The following ARID1B variants were observed in gnomAD, a reference collection of about 807,000 sequenced individuals.
The protein encoded by ARID1B is AT-rich interactive domain-containing protein 1B.
A neutral mutation model predicts 212.3 loss-of-function variants in ARID1B; 30 were observed. The ratio of observed to expected loss-of-function variants is 0.14; its 90% confidence interval spans 0.11 to 0.19. ARID1B has a LOEUF of 0.19. Ranked by LOEUF, ARID1B falls within the 10% of genes least tolerant of loss-of-function variation. The pLI is 1.00. For missense variants in ARID1B, 2,891 were observed against 3,204.0 expected, an observed-to-expected ratio of 0.90 and a Z score of 2.36; for synonymous variants, 1,402 against 1,301.7, an observed-to-expected ratio of 1.08 and a Z score of -1.66.
chr6:157,061,412 T>G (rs1783334854), intron 4 of ARID1B, among the ~76,000 whole-genome samples: 2 of 152,216 alleles, frequency 1.3e-5, no homozygotes, highest in Admixed American at 1.3e-4. Flanking sequence ...CTGCAAGGTA[T>G]GGCAGGTGAT....
At chr6:156,853,537 G>T (rs75763771) in intron 2 of ARID1B, among the ~76,000 whole-genome samples, 3,290 of 152,094 alleles carry the variant, frequency 0.022, 50 homozygotes, top group Non-Finnish European at 0.033. Flanking sequence ...TGTGGTGGAA[G>T]AGGGGGCAAG....
chr6:157,183,822 C>T (rs1211779803), intron 12 of ARID1B, among the ~76,000 whole-genome samples: 1 of 152,208 alleles, frequency 6.6e-6, no homozygotes, highest in African/African-American at 2.4e-5. Flanking sequence ...GGGATGGGTA[C>T]GGCCCAGAAT....
At chr6:156,963,971 G>A (rs1744575795) in intron 4 of ARID1B, among the ~76,000 whole-genome samples, 1 of 152,174 alleles carries the variant, frequency 6.6e-6, no homozygotes, top group African/African-American at 2.4e-5. Flanking sequence ...TTGTGGAAAG[G>A]AGCTGATTAA....
chr6:157,107,687 T>C (rs1786595448), intron 5 of ARID1B: 1 of 152,156 alleles, frequency 6.6e-6, no homozygotes, highest in Admixed American at 6.5e-5. Context: ...ATAATAGACA[T>C]TGCTGAGGAA....
chr6:156,818,711 G>A (rs1241963704), intron 1 of ARID1B, among the ~76,000 whole-genome samples: 1 of 152,186 alleles, frequency 6.6e-6, no homozygotes, highest in Non-Finnish European at 1.5e-5. Flanking sequence ...TTTTACTGGA[G>A]ATGGCAAATT....
intron 2 of ARID1B, among the ~76,000 whole-genome samples, chr6:156,833,243 C>A (rs1783267694): frequency 6.6e-6 from 1 of 151,930 alleles, no homozygotes; most frequent in Admixed American, 6.6e-5. Flanking sequence ...ACCTTAAAGA[C>A]ACCAAGATAT....
At chr6:156,874,847 G>A (rs914626881) in intron 2 of ARID1B, among the ~76,000 whole-genome samples, 2 of 152,100 alleles carry the variant, frequency 1.3e-5, no homozygotes, top group East Asian at 1.9e-4. Context: ...TGCCTTAAGC[G>A]TATCTCTTTA....
intron 2 of ARID1B, among the ~76,000 whole-genome samples, chr6:156,865,472 A>C (rs1188195624): frequency 6.6e-6 from 1 of 152,126 alleles, no homozygotes; most frequent in Non-Finnish European, 1.5e-5. Flanking sequence ...AATCCTTTGC[A>C]TGTGACTCTC....
intron 4 of ARID1B, among the ~76,000 whole-genome samples, chr6:157,084,133 A>AC (rs202241562): frequency 0.033 from 3,493 of 106,086 alleles, 108 homozygotes; most frequent in African/African-American, 0.061. Context: ...AGACTTCATC[A>AC]CCTCCCCCCC....
intron 1 of ARID1B, among the ~76,000 whole-genome samples, chr6:156,791,242 A>G (rs1021451936): frequency 2.0e-5 from 3 of 152,252 alleles, no homozygotes; most frequent in African/African-American, 7.2e-5. Context: ...TATGAAGAGG[A>G]AGGTGTACTA....
chr6:157,136,512 A>T (rs957309076), intron 7 of ARID1B, among the ~76,000 whole-genome samples: 6 of 152,238 alleles, frequency 3.9e-5, no homozygotes, highest in African/African-American at 1.4e-4. Flanking sequence ...ATATAAAACC[A>T]AAATGACAAA....
intron 1 of ARID1B, among the ~76,000 whole-genome samples, chr6:156,801,713 G>C (rs1462457806): frequency 6.6e-6 from 1 of 151,998 alleles, no homozygotes; most frequent in Non-Finnish European, 1.5e-5. Context: ...TAGAGAAAAG[G>C]CTGTTTGGAA....
rs1793884696 is a variant in ARID1B at position 156,955,337 on chromosome 6, C to T, written c.2247+19761C>T. On this transcript the variant is annotated intron_variant, in intron 4 of 19. Coordinates refer to ENST00000636930, the MANE Select transcript of ARID1B (RefSeq NM_001374828.1). The surrounding 1 kb of genome is among the most constrained non-coding windows in gnomAD (Gnocchi z 4.2). ...TGCCATTCAACCAGGTGTGATAAAC[C>T]TAGAGCTACTGTATGTTCCAGGCCA... Among the ~76,000 whole-genome samples the T allele has an allele frequency of 1.3e-5, 2 of 152,158 alleles. No homozygotes were observed. Among genetic ancestry groups the T allele is most frequent in the African/African-American group, 4.8e-5 (2 of 41,430 alleles).
intron 4 of ARID1B, among the ~76,000 whole-genome samples, chr6:156,989,260 T>C (rs765111226): frequency 2.6e-5 from 4 of 152,204 alleles, no homozygotes; most frequent in Non-Finnish European, 5.9e-5. Flanking sequence ...CATGAAACAC[T>C]GCTGGGACAA....
chr6:156,995,071 C>G (rs115773684), intron 4 of ARID1B, among the ~76,000 whole-genome samples: 5,493 of 152,250 alleles, frequency 0.036, 136 homozygotes, highest in African/African-American at 0.07. Context: ...AGAGGAGGAC[C>G]TGCACCTTCC....
intron 1 of ARID1B, among the ~76,000 whole-genome samples, chr6:156,809,201 C>A (rs1218517797): frequency 6.6e-6 from 1 of 152,130 alleles, no homozygotes; most frequent in East Asian, 1.9e-4. Flanking sequence ...CAGTGTCTTA[C>A]CATGACTGAC....
chr6:156,829,587 A>T (rs946884330), intron 2 of ARID1B, 166 bp downstream of exon 2: 22 of 797,734 alleles, frequency 2.8e-5, no homozygotes, highest in Middle Eastern at 3.8e-4. Flanking sequence ...TTTTTCTTTT[A>T]AAGATGGAAA....
rs1319797982 is a variant in ARID1B at position 157,210,643 on chromosome 6, G to GT, written c.*2752_*2753insT. 3 of 225,012 alleles carry GT rather than the reference G, an allele frequency of 1.3e-5. No individual in the cohort carries two copies. The highest frequency in any genetic ancestry group is 2.4e-5 in the African/African-American group (1 of 41,396). The allele number at this position is 225,012 out of a possible 1,614,324, so 13.9% of individuals were successfully genotyped here. On this transcript the variant is annotated 3_prime_UTR_variant, in exon 20 of 20. Coordinates refer to ENST00000636930, the MANE Select transcript of ARID1B (RefSeq NM_001374828.1). ...TATTGCTTTGTCCTAAAAATTAGTC[G>GT]GTTTTTTTTTTTCTATGAGGCTTTT...
intron 2 of ARID1B, among the ~76,000 whole-genome samples, chr6:156,857,496 G>A (rs1435599427): frequency 6.6e-6 from 1 of 152,138 alleles, no homozygotes; most frequent in African/African-American, 2.4e-5. Flanking sequence ...CAAGTGTGAA[G>A]GAGGGCTTTG....
Sources: gnomAD v4.1 joint callset for allele counts (sites outside exome capture counted in the v4.1 genomes callset) on GRCh38, gnomAD v4.1.1 for gene constraint, Gnocchi (gnomAD v3.1) non-coding constraint, MANE v1.5 for transcripts, NCBI Gene and HGNC (gene_info 2026-07-23, HGNC 2026-07-21) for gene names.